Variants in CLVS1 observed in about 807,000 individuals in gnomAD.
CLVS1 encodes clavesin 1, also known as clavesin-1.
In CLVS1, 10 loss-of-function variants were observed where a neutral mutation model predicts 33.1. The ratio of observed to expected loss-of-function variants is 0.30; its 90% CI spans 0.19 to 0.51. The LOEUF is 0.51. Among genes scored for constraint, CLVS1 ranks in the 20% least tolerant of loss-of-function variants. The probability of loss-of-function intolerance (pLI) is 0.97; values close to 1 mark genes in which losing one functional copy is unlikely to be tolerated. For missense variants in CLVS1, 343 were observed against 433.4 expected (o/e 0.79, Z 1.85); for synonymous variants, 163 against 166.1 (o/e 0.98, Z 0.14).
At chr8:61,190,253 C>A (rs1422461380) in intron 2 of CLVS1, among the ~76,000 whole-genome samples, 2 of 152,184 alleles carry the variant, frequency 1.3e-5, no homozygotes, top group African/African-American at 2.4e-5. Context: ...GGAAACTGAA[C>A]AATCTGCTCC....
chr8:61,400,021 T>A (rs1441707797), intron 3 of CLVS1, among the ~76,000 whole-genome samples: 1 of 152,168 alleles, frequency 6.6e-6, no homozygotes, highest in Non-Finnish European at 1.5e-5. Context: ...TATTTGGGCA[T>A]TTTTTGCTTC....
At chr8:60,990,175 T>C in the CLVS1 span, among the ~76,000 whole-genome samples, 2 of 129,268 alleles carry the variant, frequency 1.5e-5, no homozygotes, top group Non-Finnish European at 3.2e-5. Flanking sequence ...AACGATGGAA[T>C]GAGAGAGAAC....
In CLVS1 at chr8:61,360,109, T is replaced by A. The variant is rs535030983; in HGVS notation, c.456-16496T>A. 1.6e-3 allele frequency among the ~76,000 whole-genome samples: 244 copies of A among 152,238 alleles called. 1 individual carries two copies. The highest frequency in any genetic ancestry group is 5.4e-3 in the African/African-American group (224 of 41,552). On this transcript the variant is annotated intron_variant, in intron 2 of 5. Transcript: ENST00000325897. The stretch of plus-strand genomic sequence containing the variant: ...TTGAGTGGAAGTGGGTAGTACTCTG[T>A]GCATTGAGATCTGGAGGAAAAAACA...
intron 2 of CLVS1, among the ~76,000 whole-genome samples, chr8:61,235,109 G>A (rs908822985): frequency 6.6e-6 from 1 of 152,216 alleles, no homozygotes; most frequent in Non-Finnish European, 1.5e-5. Flanking sequence ...AAGGCACTAA[G>A]AATTTGTGGA....
chr8:61,049,351 A>G, the CLVS1 span, among the ~76,000 whole-genome samples: 1 of 152,166 alleles, frequency 6.6e-6, no homozygotes, highest in Non-Finnish European at 1.5e-5. Context: ...TTTTTTCTCC[A>G]TTGAATTTTC....
chr8:61,007,699 A>C, the CLVS1 span, among the ~76,000 whole-genome samples: 6 of 152,204 alleles, frequency 3.9e-5, no homozygotes, highest in Non-Finnish European at 8.8e-5. Context: ...AGCAAAGCAC[A>C]TTTATAAACA....
At chr8:61,113,006 A>G (rs375965115) in intron 1 of CLVS1, among the ~76,000 whole-genome samples, 4 of 152,172 alleles carry the variant, frequency 2.6e-5, no homozygotes, top group East Asian at 3.9e-4. Flanking sequence ...TCACTTCTGC[A>G]TTGACTGCTG....
At chr8:61,142,698 C>T (rs1806329812) in intron 2 of CLVS1, among the ~76,000 whole-genome samples, 1 of 152,164 alleles carries the variant, frequency 6.6e-6, no homozygotes, top group Non-Finnish European at 1.5e-5. Context: ...ACAGGCTTCT[C>T]ATGCTTGTCT....
At chr8:61,490,682 TCGGCTTTGG>T (rs1469389888) in intron 5 of CLVS1, among the ~76,000 whole-genome samples, 1 of 114,882 alleles carries the variant, frequency 8.7e-6, no homozygotes, top group Non-Finnish European at 1.8e-5. Flanking sequence ...AGTAGGTAAA[TCGGCTTTGG>T]CTCATGTCTG....
chr8:61,032,510 T>C, the CLVS1 span, among the ~76,000 whole-genome samples: 1 of 152,198 alleles, frequency 6.6e-6, no homozygotes, highest in African/African-American at 2.4e-5. Flanking sequence ...CCTAAAATGG[T>C]GCTGGCCAGG....
At chr8:61,054,476 A>G (rs1169442223), upstream of CLVS1, among the ~76,000 whole-genome samples, 2 of 152,222 alleles carry the variant, frequency 1.3e-5, no homozygotes, top group African/African-American at 4.8e-5. Flanking sequence ...AAGTAATGGG[A>G]GACCAGGGTA....
chr8:61,032,612 A>G, the CLVS1 span, among the ~76,000 whole-genome samples: 1 of 152,310 alleles, frequency 6.6e-6, no homozygotes, highest in East Asian at 1.9e-4. Flanking sequence ...AAAGAAAAAC[A>G]GGACCTTGAA....
chr8:61,392,178 A>T (rs968786181), intron 3 of CLVS1, among the ~76,000 whole-genome samples: 2 of 152,118 alleles, frequency 1.3e-5, no homozygotes, highest in African/African-American at 4.8e-5. Flanking sequence ...AAAAAATTTT[A>T]AAAATTAGTT....
intron 5 of CLVS1, among the ~76,000 whole-genome samples, chr8:61,488,194 C>A (rs979792130): frequency 6.6e-6 from 1 of 152,184 alleles, no homozygotes; most frequent in South Asian, 2.1e-4. Context: ...AACACCTGAA[C>A]CCACACCAAA....
At chr8:61,297,045 TG>T (rs1350618377) in intron 1 of CLVS1, among the ~76,000 whole-genome samples, 1 of 152,130 alleles carries the variant, frequency 6.6e-6, no homozygotes, top group East Asian at 1.9e-4. Context: ...AGTCAATCAG[TG>T]GTTATTCTAG....
intron 2 of CLVS1, among the ~76,000 whole-genome samples, chr8:61,245,276 G>A (rs1302064051): frequency 7.2e-5 from 11 of 152,036 alleles, no homozygotes; most frequent in East Asian, 1.9e-4. Flanking sequence ...TCTGCCTCCT[G>A]AGTTCAAACA....
intron 2 of CLVS1, among the ~76,000 whole-genome samples, chr8:61,156,714 T>A (rs1401018193): frequency 6.6e-6 from 1 of 152,164 alleles, no homozygotes; most frequent in Non-Finnish European, 1.5e-5. Flanking sequence ...CTGCCATGGG[T>A]TTTAAAAAAT....
At chr8:61,366,530 C>T (rs772538236) in intron 2 of CLVS1, among the ~76,000 whole-genome samples, 5 of 152,204 alleles carry the variant, frequency 3.3e-5, no homozygotes, top group African/African-American at 1.2e-4. Flanking sequence ...TAAGGACACA[C>T]ATCAGACGTC....
At position 61,501,487 on chromosome 8, in the gene CLVS1, C is replaced by T. The variant is rs1373187437; in HGVS notation, c.*1945C>T. 2.6e-5 allele frequency: 4 copies of T among 152,006 alleles called. No homozygotes were observed. The highest frequency in any genetic ancestry group is 6.6e-5 in the Admixed American group (1 of 15,260). 9.4% of individuals were successfully genotyped at this position (152,006 alleles called of 1,614,324 possible). On this transcript the variant is annotated 3_prime_UTR_variant, in exon 6 of 6. Transcript: ENST00000325897. The stretch of plus-strand genomic sequence containing the variant: ...TAAGATGATGGCTCAAAAATGACGA[C>T]TTATAGTTTGAATTTATGTGTATGC...
Sources: gnomAD v4.1 joint callset for allele counts (sites outside exome capture counted in the v4.1 genomes callset) on GRCh38, gnomAD v4.1.1 for gene constraint, MANE v1.5 for transcripts, NCBI Gene and HGNC (gene_info 2026-07-23, HGNC 2026-07-21) for gene names.